The following NRXN1 variants were observed in gnomAD, a reference collection of about 807,000 sequenced individuals.
The protein encoded by NRXN1 is neurexin 1, also known as neurexin-1.
A neutral mutation model predicts 150.9 loss-of-function variants in NRXN1; 39 were observed. The ratio of observed to expected loss-of-function variants is 0.26; its 90% confidence interval spans 0.20 to 0.34. The LOEUF is 0.34. Among genes scored for constraint, NRXN1 ranks in the 10% least tolerant of loss-of-function variants. The pLI, the probability that NRXN1 is intolerant of heterozygous loss-of-function variation, is 1.00. For synonymous variants in NRXN1, 924 were observed against 757.0 expected (o/e 1.22, Z -3.62); for missense variants, 1,815 against 1,949.9 (o/e 0.93, Z 1.30).
chr2:50,401,331 G>A (rs1344526308), intron 17 of NRXN1, among the ~76,000 whole-genome samples: 1 of 152,088 alleles, frequency 6.6e-6, no homozygotes, highest in Non-Finnish European at 1.5e-5. Context: ...CTAATGGTTT[G>A]AAAAATCACT....
rs56000724 is a variant in NRXN1, at chr2:50,781,572, G to A, written c.832+140297C>T. On this transcript the variant is annotated intron_variant, in intron 5 of 22. Coordinates refer to ENST00000401669, the MANE Select transcript of NRXN1 (RefSeq NM_001330078.2). ...CTTAGCCTTACCTGTGAAACCTCAC[G>A]ACAACAGTAACACACCAGCCAAATA... Among the ~76,000 whole-genome samples, 742 of 152,272 alleles carry A rather than the reference G, an allele frequency of 4.9e-3. 3 individuals are homozygous for A. The highest frequency in any genetic ancestry group is 8.3e-3 in the Non-Finnish European group (562 of 68,026).
Position 50,236,636 on chromosome 2 carries a change from T to A in NRXN1, c.3546+153A>T, listed in dbSNP as rs551256574. Among the ~76,000 whole-genome samples the A allele has an allele frequency of 3.3e-5, 5 of 151,258 alleles. No homozygotes were observed. In the East Asian group the frequency reaches 9.8e-4, roughly 30 times the overall value. On this transcript the variant is annotated intron_variant, in intron 18 of 22. Coordinates refer to ENST00000401669, the MANE Select transcript of NRXN1 (RefSeq NM_001330078.2). ...ACGCGATTAACTACAGCAATAGGTA[T>A]ATGGTCTTATTTCCTCTAGATTGTA...
chr2:50,978,696 A>G (rs1340188170), intron 2 of NRXN1, among the ~76,000 whole-genome samples: 6 of 152,064 alleles, frequency 3.9e-5, no homozygotes, highest in Non-Finnish European at 1.5e-5. Flanking sequence ...TTTTTAAAAT[A>G]TCATTTAAAG....
At chr2:50,949,899 A>C (rs1558476108) in intron 2 of NRXN1, among the ~76,000 whole-genome samples, 1 of 152,110 alleles carries the variant, frequency 6.6e-6, no homozygotes, top group African/African-American at 2.4e-5. Context: ...TTTCTGTTGA[A>C]AGTGTGTATG....
chr2:50,219,407 C>G (rs903056303), intron 18 of NRXN1, among the ~76,000 whole-genome samples: 4 of 149,588 alleles, frequency 2.7e-5, no homozygotes, highest in Non-Finnish European at 4.4e-5. Context: ...AGAAGTTTAC[C>G]AAAAATAATT....
chr2:50,920,161 TAGA>T (rs1324658291), intron 5 of NRXN1, among the ~76,000 whole-genome samples: 2 of 151,812 alleles, frequency 1.3e-5, no homozygotes, highest in Admixed American at 6.6e-5. Context: ...GTCCCAATAA[TAGA>T]AGAAGAATGC....
At chr2:50,278,275 T>TATTATATATATTATATATATA (rs1477669720) in intron 17 of NRXN1, among the ~76,000 whole-genome samples, 2 of 87,672 alleles carry the variant, frequency 2.3e-5, no homozygotes, top group Non-Finnish European at 2.2e-5. Context: ...TATATATGTA[T>TATTATATATATTATATATATA]TATATATATA....
chr2:50,091,401 C>T lies in NRXN1; in HGVS notation c.3640G>A (p.Val1214Ile), dbSNP rs752722196. Residue 1214 changes from valine (V) to isoleucine (I), a missense_variant, in exon 19 of 23, where the codon GTA (valine) becomes ATA (isoleucine). Physicochemically the swap from Val to Ile is conservative, Grantham distance 29 (BLOSUM62 3). This residue lies in a region of NRXN1 where 339 missense variants were observed against 440.3 expected (regional missense o/e 0.77). Coordinates refer to ENST00000401669, the MANE Select transcript of NRXN1 (RefSeq NM_001330078.2). ...NAIINDGKYH[V>I]VRFTRSGGNA... The stretch of plus-strand genomic sequence containing the variant: ...CCACCACTCCTCGTGAAACGAACTA[C>T]ATGGTATTTCCCATCATTAATGATT... 29 of 1,614,116 alleles carry T rather than the reference C, an allele frequency of 1.8e-5. No homozygotes were observed. In the East Asian group the frequency reaches 6.5e-4, roughly 36 times the overall value.
At chr2:50,868,878 T>C (rs1677353128) in intron 5 of NRXN1, among the ~76,000 whole-genome samples, 1 of 151,900 alleles carries the variant, frequency 6.6e-6, no homozygotes, top group Non-Finnish European at 1.5e-5. Context: ...ATTCAATGTA[T>C]AGTCAGAAAA....
At chr2:50,660,084 C>G (rs1354046605) in intron 5 of NRXN1, among the ~76,000 whole-genome samples, 2 of 152,042 alleles carry the variant, frequency 1.3e-5, no homozygotes, top group African/African-American at 4.8e-5. Context: ...CTCCTATCCA[C>G]TGCACTTTAC....
chr2:50,336,847 T>G (rs2152989494), intron 17 of NRXN1, among the ~76,000 whole-genome samples: 1 of 152,288 alleles, frequency 6.6e-6, no homozygotes, highest in South Asian at 2.1e-4. Flanking sequence ...CCCTGTGTAC[T>G]TAAGAATCAC....
intron 21 of NRXN1, among the ~76,000 whole-genome samples, chr2:50,010,401 T>G (rs1172758215): frequency 6.6e-6 from 1 of 152,166 alleles, no homozygotes; most frequent in Non-Finnish European, 1.5e-5. Context: ...TATTGTCTTA[T>G]CTTTTTAAAA....
intron 16 of NRXN1, among the ~76,000 whole-genome samples, chr2:50,467,160 G>C (rs1023235549): frequency 6.6e-6 from 1 of 151,540 alleles, no homozygotes; most frequent in Admixed American, 6.6e-5. Context: ...TACCAGATTG[G>C]GTATATGCCA....
At chr2:50,910,939 C>T (rs777661893) in intron 5 of NRXN1, among the ~76,000 whole-genome samples, 31 of 151,722 alleles carry the variant, frequency 2.0e-4, no homozygotes, top group Non-Finnish European at 4.0e-4. Context: ...AAGGGCTGGA[C>T]AATGCCATCT....
chr2:50,607,079 A>C (rs1677251477), intron 8 of NRXN1, among the ~76,000 whole-genome samples: 1 of 152,166 alleles, frequency 6.6e-6, no homozygotes, highest in Non-Finnish European at 1.5e-5. Flanking sequence ...AATAGCCTCC[A>C]AACACAAATT....
At chr2:50,461,600 A>C (rs1054749492) in intron 17 of NRXN1, among the ~76,000 whole-genome samples, 1 of 151,960 alleles carries the variant, frequency 6.6e-6, no homozygotes, top group Non-Finnish European at 1.5e-5. Context: ...TTAATAGGTG[A>C]TATATAAAAT....
chr2:50,735,056 G>C (rs1341008760), intron 5 of NRXN1, among the ~76,000 whole-genome samples: 1 of 152,118 alleles, frequency 6.6e-6, no homozygotes, highest in African/African-American at 2.4e-5. Flanking sequence ...TTGGCTGTTA[G>C]AGTGAAATGG....
At position 50,900,503 on chromosome 2, in the gene NRXN1, T is replaced by C. The variant is rs144812360; in HGVS notation, c.832+21366A>G. 3.5e-3 allele frequency among the ~76,000 whole-genome samples: 528 copies of C among 152,252 alleles called. 3 individuals carry two copies. The highest frequency in any genetic ancestry group is 0.012 in the African/African-American group (499 of 41,548). ...AACCCTCTCACTTGGGTAAAATATT[T>C]AGAAAACGGAAGGCATTTCAGGTGG... On this transcript the variant is annotated intron_variant, in intron 5 of 22. Coordinates refer to ENST00000401669, the MANE Select transcript of NRXN1 (RefSeq NM_001330078.2).
rs1161531841 is a variant in NRXN1, at chr2:50,598,638, ATG to A, written c.1320+21382_1320+21383del. Among the ~76,000 whole-genome samples, 51 of 146,806 alleles carry A rather than the reference ATG, an allele frequency of 3.5e-4. No individual in the cohort carries two copies. In the South Asian group the frequency reaches 8.4e-3, roughly 24 times the overall value. ...TATATATACATGTATATATGTATATATGTGTGTGTATCTATATACATATATAT... is the reference window on the plus strand; with the variant it reads ...TATATATACATGTATATATGTATATATGTGTGTATCTATATACATATATAT... On this transcript the variant is annotated intron_variant, in intron 8 of 22. Coordinates refer to ENST00000401669, the MANE Select transcript of NRXN1 (RefSeq NM_001330078.2).
Sources: allele counts gnomAD v4.1 joint callset (sites outside exome capture counted in the v4.1 genomes callset), GRCh38; gene constraint gnomAD v4.1.1; regional missense constraint gnomAD v4.1.1; transcripts MANE v1.5; gene names NCBI Gene and HGNC (gene_info 2026-07-23, HGNC 2026-07-21).